The following DDX18 variants were observed in gnomAD, a reference collection of about 807,000 sequenced individuals.
DDX18 encodes the protein DEAD-box helicase 18.
A neutral mutation model predicts 73.5 loss-of-function variants in DDX18; 23 were observed. The ratio of observed to expected loss-of-function variants is 0.31; its 90% confidence interval spans 0.23 to 0.44. The LOEUF (loss-of-function observed/expected upper bound fraction) is 0.44. Ranked by LOEUF, DDX18 falls within the 20% of genes least tolerant of loss-of-function variation. DDX18 has a pLI of 1.00. For missense variants in DDX18, 753 were observed against 792.9 expected (o/e 0.95, Z 0.60); for synonymous variants, 268 against 282.7 (o/e 0.95, Z 0.52).
chr2:117,820,211 GT>G (rs1223272693), intron 3 of DDX18, among the ~76,000 whole-genome samples: 1 of 152,242 alleles, frequency 6.6e-6, no homozygotes, highest in Non-Finnish European at 1.5e-5. Flanking sequence ...AGTTACTTGA[GT>G]TGTTTATTTG....
chr2:117,826,399 G>A lies in DDX18; in HGVS notation c.1635+17G>A. On this transcript the variant is annotated intron_variant, in intron 11 of 13. Transcript: ENST00000263239. ...CAATCCAAGGTAAAGATCTGTACTT[G>A]GAGAAAGATTTCTCTTGGTGTAGGG... 6.2e-7 allele frequency: 1 copy of A among 1,607,008 alleles called. No individual in the cohort carries two copies. Among genetic ancestry groups the A allele is most frequent in the Non-Finnish European group, 8.5e-7 (1 of 1,174,670 alleles).
In DDX18 at chr2:117,817,576, T is replaced by A. The variant is rs141403585; in HGVS notation, c.218T>A (p.Met73Lys). The change falls in exon 2 of 14, where the codon ATG becomes AAG. Residue 73 changes from methionine to lysine, a missense_variant. Transcript: ENST00000263239. ...VGLSETQNGG[M>K]SQEAVGNIKV... is the part of the protein sequence containing the mutation. ...TTATCAGAAACTCAAAATGGAGGCA[T>A]GTCTCAAGAAGCAGTGGGAAATATA... The A allele has an allele frequency of 3.5e-4, 570 of 1,613,974 alleles. 7 individuals are homozygous for A. The African/African-American group carries it at 6.8e-3, about 19-fold the overall frequency.
intron 13 of DDX18, among the ~76,000 whole-genome samples, chr2:117,830,247 C>T (rs577782675): frequency 3.3e-4 from 51 of 152,254 alleles, no homozygotes; most frequent in African/African-American, 1.2e-3. Flanking sequence ...TTTGTTTTGA[C>T]ACAGGAGGTG....
At position 117,830,867 on chromosome 2, in the gene DDX18, C is replaced by T; in HGVS notation, c.*143C>T. 2.3e-6 allele frequency: 2 copies of T among 858,558 alleles called. No individual in the cohort carries two copies. The highest frequency in any genetic ancestry group is 1.8e-5 in the South Asian group (1 of 56,562). The allele number at this position is 858,558 out of a possible 1,614,324, so 53.2% of individuals were successfully genotyped here. A position where few individuals can be genotyped will look rare whatever the true frequency, so the allele number is the denominator to read the frequency against. On this transcript the variant is annotated 3_prime_UTR_variant, in exon 14 of 14. Transcript: ENST00000263239. ...TGACTTGGGTTGCAAGCACTGAGCA[C>T]TGTTACTTCTATCACGTCTCTCTTT...
intron 3 of DDX18, 84 bp from the exon 4 acceptor site, chr2:117,821,076 TA>T: frequency 7.3e-7 from 1 of 1,370,964 alleles, no homozygotes; most frequent in Non-Finnish European, 9.7e-7. Context: ...GAAGCTTTTC[TA>T]AGCAAAATAG....
Position 117,822,266 on chromosome 2 carries a change from G to A in DDX18, c.1066+5G>A. The A allele has an allele frequency of 6.2e-7, 1 of 1,606,470 alleles. No individual in the cohort carries two copies. The highest frequency in any genetic ancestry group is 8.5e-7 in the Non-Finnish European group (1 of 1,175,002). ...AAATTATTAAACTTTTGCCAAGTAA[G>A]TAGGTAGCATCTGCATTTGGTTTGC... On this transcript the variant is annotated splice_donor_5th_base_variant and intron_variant, in intron 7 of 13. Coordinates refer to ENST00000263239, the MANE Select transcript of DDX18 (RefSeq NM_006773.4).
In DDX18 at chr2:117,815,882, C is replaced by CT. The variant is rs1406586880; in HGVS notation, c.85+1023dup. Among the ~76,000 whole-genome samples, 4 of 152,248 alleles carry CT rather than the reference C, an allele frequency of 2.6e-5. No homozygotes were observed. In the South Asian group the frequency reaches 6.2e-4, roughly 24 times the overall value. On this transcript the variant is annotated intron_variant, in intron 1 of 13. Coordinates refer to ENST00000263239, the MANE Select transcript of DDX18 (RefSeq NM_006773.4). ...TTAGGGGCTTTTGTCGTTTTGCGAA[C>CT]TTTATCTAGTTACACAAACCTAAAT...
In DDX18 at chr2:117,825,616, G is replaced by A. The variant is rs1485037795; in HGVS notation, c.1521+17G>A. The A allele has an allele frequency of 2.2e-5, 36 of 1,609,426 alleles. No homozygotes were observed. The Admixed American group carries it at 6.1e-4, about 27-fold the overall frequency. On this transcript the variant is annotated intron_variant, in intron 10 of 13. Transcript: ENST00000263239. ...GACCCTAAGGTAACTGGCATCTTTGGAATATCTTCAGAATGACTCTGCATT... is the reference window on the plus strand; with the variant it reads ...GACCCTAAGGTAACTGGCATCTTTGAAATATCTTCAGAATGACTCTGCATT...
At position 117,814,806 on chromosome 2, in the gene DDX18, G is replaced by A. The variant is rs778548120; in HGVS notation, c.29G>A (p.Arg10His). 2 of 1,614,204 alleles carry A rather than the reference G, an allele frequency of 1.2e-6. No individual in the cohort carries two copies. The highest frequency in any genetic ancestry group is 2.2e-5 in the South Asian group (2 of 91,080). The change falls in exon 1 of 14, where the codon CGT becomes CAT. Residue 10 changes from arginine (R) to histidine (H), a missense_variant. Coordinates refer to ENST00000263239, the MANE Select transcript of DDX18 (RefSeq NM_006773.4). Reference sequence around the variant, plus strand: ...TCACACCTGCCGATGAAACTCCTGCGTAAGAAGATCGAGAAGCGGAACCTC... The same window carrying A: ...TCACACCTGCCGATGAAACTCCTGCATAAGAAGATCGAGAAGCGGAACCTC... MSHLPMKLL[R>H]KKIEKRNLKL... is the part of the protein sequence containing the mutation.
rs774731290 is a variant in DDX18 at position 117,820,811 on chromosome 2, A to G, written c.515-350A>G. On this transcript the variant is annotated intron_variant, in intron 3 of 13. Coordinates refer to ENST00000263239, the MANE Select transcript of DDX18 (RefSeq NM_006773.4). ...CACACTCAGTTTTTATTAATGCTCA[A>G]TGTTTTCACTTTTATATCAGATTTC... 2.6e-5 allele frequency among the ~76,000 whole-genome samples: 4 copies of G among 152,046 alleles called. No individual in the cohort carries two copies. In the East Asian group the frequency reaches 5.8e-4, roughly 22 times the overall value.
At position 117,817,724 on chromosome 2, in the gene DDX18, G is replaced by T; in HGVS notation, c.366G>T (p.Glu122Asp). 1 of 1,592,602 alleles carries T rather than the reference G, an allele frequency of 6.3e-7. No individual in the cohort carries two copies. Among genetic ancestry groups the T allele is most frequent in the Non-Finnish European group, 8.5e-7 (1 of 1,173,914 alleles). The change falls in exon 2 of 14, where the codon GAG becomes GAT. Residue 122 changes from glutamate (E) to aspartate (D), a missense_variant. By Grantham distance (45) the Glu-to-Asp change is conservative (BLOSUM62 2). This residue lies in a region of DDX18 where 345 missense variants were observed against 352.0 expected (regional missense o/e 0.98). Transcript: ENST00000263239. ...AGAGAAAAATGGTGAATGATGCTGA[G>T]CCTGGTAGGTATTTATTATCTTTGA... ...KKKRKMVNDA[E>D]PDTKKAKTEN...
chr2:117,821,391 T>C (rs1163081337), intron 4 of DDX18, 95 bp downstream of exon 4: 1 of 1,438,946 alleles, frequency 6.9e-7, no homozygotes, highest in Non-Finnish European at 9.4e-7. Context: ...TTTTGTACTA[T>C]ATGTTGGGTC....
intron 4 of DDX18, 119 bp downstream of exon 4, chr2:117,821,415 ACATT>A: frequency 7.6e-7 from 1 of 1,310,682 alleles, no homozygotes; most frequent in East Asian, 2.4e-5. Context: ...TATCCAGCAT[ACATT>A]AAAGGCTTTA....
At chr2:117,818,874 G>A (rs1163227579) in intron 2 of DDX18, among the ~76,000 whole-genome samples, 1 of 152,102 alleles carries the variant, frequency 6.6e-6, no homozygotes, top group Non-Finnish European at 1.5e-5. Context: ...ATAAGCCATG[G>A]AGACCAGCTG....
chr2:117,829,224 A>G (rs1044305263), intron 12 of DDX18, 65 bp from the exon 13 acceptor site: 1 of 1,498,854 alleles, frequency 6.7e-7, no homozygotes, highest in Non-Finnish European at 9.0e-7. Context: ...GATATTTAAA[A>G]TCTGGTGTTT....
chr2:117,822,130 G>T lies in DDX18; in HGVS notation c.952-17G>T, dbSNP rs1679855736. On this transcript the variant is annotated splice_polypyrimidine_tract_variant and intron_variant, in intron 6 of 13. Transcript: ENST00000263239. ...AACTGACAACTAATGGTTGTTCTTTGTCCTTTGTTTTGTTAGAATACCCCA... is the reference window on the plus strand; with the variant it reads ...AACTGACAACTAATGGTTGTTCTTTTTCCTTTGTTTTGTTAGAATACCCCA... 6.2e-7 allele frequency: 1 copy of T among 1,613,710 alleles called. No individual in the cohort carries two copies. The highest frequency in any genetic ancestry group is 8.5e-7 in the Non-Finnish European group (1 of 1,179,690).
rs925820068 is a variant in DDX18 at position 117,832,197 on chromosome 2, ATATT to A, written c.*1476_*1479del. ...TTAAAAGACAAAAACAAAGGGAAGAATATTTAATTACTGAGCAGAAGTAAATACT... is the reference window on the plus strand; with the variant it reads ...TTAAAAGACAAAAACAAAGGGAAGAATAATTACTGAGCAGAAGTAAATACT... On this transcript the variant is annotated 3_prime_UTR_variant, in exon 14 of 14. Transcript: ENST00000263239. 4 of 152,308 alleles carry A rather than the reference ATATT, an allele frequency of 2.6e-5. No homozygotes were observed. The highest frequency in any genetic ancestry group is 1.9e-4 in the East Asian group (1 of 5,190). The allele number at this position is 152,308 out of a possible 1,614,324, so 9.4% of individuals were successfully genotyped here.
At position 117,822,249 on chromosome 2, in the gene DDX18, A is replaced by G; in HGVS notation, c.1054A>G (p.Lys352Glu). The change falls in exon 7 of 14, where the codon AAA becomes GAA. Residue 352 changes from lysine (K) to glutamate (E), a missense_variant. By Grantham distance (56) the Lys-to-Glu change is moderately conservative. This residue lies in a region of DDX18 where 402 missense variants were observed against 419.4 expected (regional missense o/e 0.96). Transcript: ENST00000263239. ...GFEEELKQII[K>E]LLPTRRQTML... ...TGAAGAGGAATTAAAGCAAATTATT[A>G]AACTTTTGCCAAGTAAGTAGGTAGC... 6.2e-7 allele frequency: 1 copy of G among 1,612,404 alleles called. No homozygotes were observed. Among genetic ancestry groups the G allele is most frequent in the South Asian group, 1.1e-5 (1 of 90,980 alleles).
chr2:117,817,204 C>T (rs1201559311), intron 1 of DDX18, among the ~76,000 whole-genome samples: 3 of 152,130 alleles, frequency 2.0e-5, no homozygotes, highest in Non-Finnish European at 2.9e-5. Flanking sequence ...GTCAGATGTA[C>T]GGTCTTTTGC....
Sources: allele counts gnomAD v4.1 joint callset (sites outside exome capture counted in the v4.1 genomes callset), GRCh38; gene constraint gnomAD v4.1.1; regional missense constraint gnomAD v4.1.1; transcripts MANE v1.5; gene names NCBI Gene and HGNC (gene_info 2026-07-23, HGNC 2026-07-21).